ZNF273: variants seen among roughly 807,000 people sequenced by gnomAD.
ZNF273 encodes the protein zinc finger protein 273.
A neutral mutation model predicts 14.9 loss-of-function variants in ZNF273; 11 were observed. The observed-to-expected ratio is 0.74, with a 90% CI of 0.46 to 1.22. The LOEUF is 1.22. ZNF273 is among the 50% of genes most tolerant of loss of function. The probability of loss-of-function intolerance (pLI) is 0.00; values close to 1 mark genes in which losing one functional copy is unlikely to be tolerated. For synonymous variants in ZNF273, 199 were observed against 223.9 expected, an observed-to-expected ratio of 0.89 and a Z score of 0.99; for missense variants, 577 against 660.6, an observed-to-expected ratio of 0.87 and a Z score of 1.39.
chr7:64,912,826 G>GTTTTTTGTTGTTGTTGTTGTTTTTTTTT lies in ZNF273; in HGVS notation c.103-4749_103-4748insGTTGTTGTTGTTGTTTTTTTTTTTTTTT. On this transcript the variant is annotated intron_variant, in intron 1 of 3. Transcript: ENST00000476120. The stretch of plus-strand genomic sequence containing the variant: ...TCTTTTTGACTCAGGATTCATTTTA[G>GTTTTTTGTTGTTGTTGTTGTTTTTTTTT]TTTTTTTTTTTTTTTTTTTTGAGAT... 9.6e-4 allele frequency among the ~76,000 whole-genome samples: 35 copies of GTTTTTTGTTGTTGTTGTTGTTTTTTTTT among 36,574 alleles called. 2 individuals are homozygous for GTTTTTTGTTGTTGTTGTTGTTTTTTTTT. Among genetic ancestry groups the GTTTTTTGTTGTTGTTGTTGTTTTTTTTT allele is most frequent in the South Asian group, 3.9e-3 (3 of 766 alleles). The allele number at this position is 36,574 out of a possible 152,430, so 24.0% of individuals were successfully genotyped here.
chr7:64,900,770 A>G (rs1792660119), upstream of ZNF273, among the ~76,000 whole-genome samples: 1 of 152,180 alleles, frequency 6.6e-6, no homozygotes, highest in African/African-American at 2.4e-5. Context: ...TCAATCTTTC[A>G]TACCCTATGT....
At chr7:64,891,060 G>T (rs1792000632), downstream of ZNF273, among the ~76,000 whole-genome samples, 1 of 152,246 alleles carries the variant, frequency 6.6e-6, no homozygotes, top group Admixed American at 6.5e-5. Context: ...TCCTCTTTCT[G>T]CCAGTGGTCC....
Position 64,927,705 on chromosome 7 carries a change from A to T in ZNF273, c.377A>T (p.Asp126Val). The T allele has an allele frequency of 6.2e-7, 1 of 1,603,888 alleles. No homozygotes were observed. Among genetic ancestry groups the T allele is most frequent in the Non-Finnish European group, 8.5e-7 (1 of 1,177,094 alleles). Reference sequence around the variant, plus strand: ...CTTTGGCCAAAGCAGGGCTTAAAAGATTCTTTTCAAAAAGTGATACTGAGA... The same window carrying T: ...CTTTGGCCAAAGCAGGGCTTAAAAGTTTCTTTTCAAAAAGTGATACTGAGA... ...QDLWPKQGLK[D>V]SFQKVILRRY... The change falls in exon 4 of 4, where the codon GAT becomes GTT. Residue 126 changes from aspartate (D) to valine (V), a missense_variant. Physicochemically the swap from Asp to Val is radical, Grantham distance 152. This residue lies in a region of ZNF273 where 162 missense variants were observed against 203.5 expected (regional missense o/e 0.80). Transcript: ENST00000476120.
chr7:64,907,269 C>T (rs1001477368), intron 1 of ZNF273, among the ~76,000 whole-genome samples: 2 of 152,144 alleles, frequency 1.3e-5, no homozygotes, highest in African/African-American at 4.8e-5. Flanking sequence ...GAGGGTGTTT[C>T]TTTCCATCAA....
chr7:64,925,211 C>T (rs1212115419), intron 3 of ZNF273, among the ~76,000 whole-genome samples: 1 of 100,860 alleles, frequency 9.9e-6, no homozygotes, highest in Non-Finnish European at 2.1e-5. Context: ...TTACTAATAT[C>T]ATTTTATTAG....
At chr7:64,916,285 T>G (rs1325233860) in intron 1 of ZNF273, among the ~76,000 whole-genome samples, 1 of 148,190 alleles carries the variant, frequency 6.7e-6, no homozygotes, top group East Asian at 2.0e-4. Context: ...ACGCCTGTAA[T>G]CCCATACACT....
rs1371736407 is a variant in ZNF273, at chr7:64,928,246, T to C, written c.918T>C (p.Thr306=). ...GKVFSVFSVL[T]KHKIIHTGTK... ...TCTTTAGTGTATTTTCAGTCCTTAC[T>C]AAACATAAGATAATTCATACAGGAA... The change falls in exon 4 of 4, where the codon ACT becomes ACC. Residue 306 remains threonine (T), a synonymous_variant. Coordinates refer to ENST00000476120, the MANE Select transcript of ZNF273 (RefSeq NM_021148.3). The C allele has an allele frequency of 6.2e-7, 1 of 1,613,094 alleles. No individual in the cohort carries two copies. Among genetic ancestry groups the C allele is most frequent in the Non-Finnish European group, 8.5e-7 (1 of 1,179,666 alleles).
At chr7:64,888,739 C>G in exon 2 of ZNF273, 4 of 985,786 alleles carry the variant, frequency 4.1e-6, no homozygotes, top group Non-Finnish European at 4.8e-6. Context: ...CCCGTTCACA[C>G]CCAGCCCCGC....
At chr7:64,910,956 G>C (rs1793469361) in intron 1 of ZNF273, among the ~76,000 whole-genome samples, 1 of 151,530 alleles carries the variant, frequency 6.6e-6, no homozygotes, top group African/African-American at 2.4e-5. Flanking sequence ...AGTAGAGATG[G>C]GGTTTCGTCG....
Position 64,928,533 on chromosome 7 carries a change from A to G in ZNF273, c.1205A>G (p.Tyr402Cys), listed in dbSNP as rs1794881530. ...ATAGTTCATACTGGAGAGAAACCCT[A>G]CAAATGTGAAGAATGTGGTAAAGCC... is the stretch of plus-strand genomic sequence containing the variant. ...HKIVHTGEKP[Y>C]KCEECGKAFK... The change falls in exon 4 of 4, where the codon TAC (tyrosine) becomes TGC (cysteine). Residue 402 changes from tyrosine (Y) to cysteine (C), a missense_variant. By Grantham distance (194) the Tyr-to-Cys change is radical. Transcript: ENST00000476120. 1.9e-6 allele frequency: 3 copies of G among 1,613,990 alleles called. No individual in the cohort carries two copies. The highest frequency in any genetic ancestry group is 2.5e-6 in the Non-Finnish European group (3 of 1,179,936).
Position 64,928,180 on chromosome 7 carries a change from T to A in ZNF273, c.852T>A (p.His284Gln), listed in dbSNP as rs1286138323. The change falls in exon 4 of 4, where the codon CAT becomes CAA. Residue 284 changes from histidine to glutamine, a missense_variant. This residue lies in a region of ZNF273 where 411 missense variants were observed against 440.4 expected (regional missense o/e 0.93). Transcript: ENST00000476120. ...CTCTTACTAAACATAAAAAAATTCA[T>A]ACTGAAGAGAAACCTTACAAATGTG... is the stretch of plus-strand genomic sequence containing the variant. ...SLTLTKHKKI[H>Q]TEEKPYKCED... is the part of the protein sequence containing the mutation. 1 of 1,613,210 alleles carries A rather than the reference T, an allele frequency of 6.2e-7. No homozygotes were observed. Among genetic ancestry groups the A allele is most frequent in the Admixed American group, 1.7e-5 (1 of 59,852 alleles).
At chr7:64,881,618 G>C (rs10253614), downstream of ZNF273, among the ~76,000 whole-genome samples, 7,692 of 152,234 alleles carry the variant, frequency 0.051, 233 homozygotes, top group Middle Eastern at 0.086. Flanking sequence ...GTCCTTGTGG[G>C]GGGGCTGTTG....
At chr7:64,881,797 G>A (rs1238148729), downstream of ZNF273, among the ~76,000 whole-genome samples, 4 of 152,190 alleles carry the variant, frequency 2.6e-5, no homozygotes, top group South Asian at 2.1e-4. Flanking sequence ...GCAAGGATCC[G>A]TGAGCTTGAC....
At chr7:64,880,809 G>A (rs940383198), downstream of ZNF273, among the ~76,000 whole-genome samples, 6 of 152,134 alleles carry the variant, frequency 3.9e-5, no homozygotes, top group African/African-American at 1.4e-4. Context: ...TCCTTTTCCT[G>A]TGGCCAACCC....
intron 1 of ZNF273, 111 bp downstream of exon 1, chr7:64,903,530 G>A (rs1470059849): frequency 2.7e-6 from 3 of 1,105,232 alleles, no homozygotes; most frequent in South Asian, 1.3e-5. Context: ...CAAAATCCGC[G>A]GCCAGGAGTT....
chr7:64,887,483 G>A (rs369686281), intron 1 of ZNF273, among the ~76,000 whole-genome samples: 10 of 152,154 alleles, frequency 6.6e-5, no homozygotes, highest in African/African-American at 2.4e-4. Context: ...CTGCTCCATT[G>A]TGCAGTGTTT....
downstream of ZNF273, among the ~76,000 whole-genome samples, chr7:64,883,224 C>CCCCCA (rs943411293): frequency 7.4e-6 from 1 of 134,864 alleles, no homozygotes; most frequent in South Asian, 2.5e-4. Context: ...ACCCCCCCCT[C>CCCCCA]ACCAAGCAGC....
At chr7:64,882,606 G>C (rs1249584706), downstream of ZNF273, 1 of 152,320 alleles carries the variant, frequency 6.6e-6, no homozygotes, top group Admixed American at 6.5e-5. Flanking sequence ...AGGGGGCGTC[G>C]GCGTTGGGCT....
At chr7:64,910,888 C>T (rs1583988930) in intron 1 of ZNF273, among the ~76,000 whole-genome samples, 2 of 151,706 alleles carry the variant, frequency 1.3e-5, no homozygotes, top group African/African-American at 4.8e-5. Context: ...GCCTCAGCCT[C>T]CTAAGTAGCT....
Sources: gnomAD v4.1 joint callset for allele counts (sites outside exome capture counted in the v4.1 genomes callset) on GRCh38, gnomAD v4.1.1 for gene constraint, gnomAD v4.1.1 regional missense constraint, MANE v1.5 for transcripts, NCBI Gene and HGNC (gene_info 2026-07-23, HGNC 2026-07-21) for gene names.